The following CPNE4 variants were observed in gnomAD, a reference collection of about 807,000 sequenced individuals.
CPNE4 encodes the protein copine 4.
A neutral mutation model predicts 67.9 loss-of-function variants in CPNE4; 25 were observed. The observed-to-expected ratio is 0.37, with a 90% confidence interval of 0.27 to 0.51. The LOEUF is 0.51. Among genes scored for constraint, CPNE4 ranks in the 20% least tolerant of loss-of-function variants. The pLI is 0.93. For missense variants in CPNE4, 464 were observed against 690.8 expected (o/e 0.67, Z 3.68); for synonymous variants, 242 against 244.9 (o/e 0.99, Z 0.11).
intron 2 of CPNE4, among the ~76,000 whole-genome samples, chr3:131,810,413 C>T (rs565608701): frequency 2.8e-4 from 42 of 151,856 alleles, no homozygotes; most frequent in Non-Finnish European, 5.3e-4. Context: ...GCAAAGGATC[C>T]GAATAGACAT....
At chr3:131,817,988 C>T (rs571914559) in intron 2 of CPNE4, among the ~76,000 whole-genome samples, 23 of 152,302 alleles carry the variant, frequency 1.5e-4, no homozygotes, top group African/African-American at 5.5e-4. Flanking sequence ...AAAAAGTGCA[C>T]CTTGTGGCTT....
At chr3:131,669,238 C>G (rs953848004) in intron 7 of CPNE4, among the ~76,000 whole-genome samples, 1 of 152,104 alleles carries the variant, frequency 6.6e-6, no homozygotes, top group African/African-American at 2.4e-5. Context: ...CAGGCAAGAT[C>G]AACAGAAGAA....
intron 7 of CPNE4, among the ~76,000 whole-genome samples, chr3:131,593,307 C>A (rs981136099): frequency 5.9e-5 from 9 of 152,038 alleles, no homozygotes; most frequent in African/African-American, 2.2e-4. Flanking sequence ...AAGGTCTTTC[C>A]ATTTATTTGT....
At chr3:132,006,775 G>A (rs979022029) in intron 1 of CPNE4, among the ~76,000 whole-genome samples, 1 of 152,034 alleles carries the variant, frequency 6.6e-6, no homozygotes, top group African/African-American at 2.4e-5. Context: ...TCACAATGGG[G>A]CATGACGTGC....
At chr3:131,563,537 AT>A (rs1936898802) in intron 11 of CPNE4, among the ~76,000 whole-genome samples, 1 of 152,044 alleles carries the variant, frequency 6.6e-6, no homozygotes, top group African/African-American at 2.4e-5. Flanking sequence ...TAGAACATTG[AT>A]TTGATCTTAA....
Position 131,574,101 on chromosome 3 carries a change from G to A in CPNE4, c.927+970C>T, listed in dbSNP as rs192825288. Among the ~76,000 whole-genome samples the A allele has an allele frequency of 4.6e-5, 7 of 152,036 alleles. No individual in the cohort carries two copies. The East Asian group carries it at 1.4e-3, about 30-fold the overall frequency. ...ATATAGGTCCCGTCTACTCTCTTGG[G>A]CCCAAAGCTTGACTAAAAATTTAAA... On this transcript the variant is annotated intron_variant, in intron 10 of 15. Coordinates refer to ENST00000429747, the MANE Select transcript of CPNE4 (RefSeq NM_130808.3).
chr3:131,858,106 A>G (rs886843080), intron 2 of CPNE4, among the ~76,000 whole-genome samples: 15 of 152,240 alleles, frequency 9.9e-5, no homozygotes, highest in Admixed American at 3.3e-4. Flanking sequence ...ACACAATTAT[A>G]TCTTCAAACT....
chr3:131,643,215 C>T (rs1425901658), intron 7 of CPNE4, among the ~76,000 whole-genome samples: 1 of 152,180 alleles, frequency 6.6e-6, no homozygotes, highest in African/African-American at 2.4e-5. Flanking sequence ...GCATTTTGCC[C>T]TTGCCATAGA....
At chr3:131,615,847 G>A (rs959758576) in intron 7 of CPNE4, among the ~76,000 whole-genome samples, 1 of 150,432 alleles carries the variant, frequency 6.6e-6, no homozygotes, top group African/African-American at 2.5e-5. Flanking sequence ...TGGCGCCACT[G>A]CACTCCAGCC....
At chr3:131,848,001 G>A (rs1255630471) in intron 2 of CPNE4, among the ~76,000 whole-genome samples, 3 of 152,150 alleles carry the variant, frequency 2.0e-5, no homozygotes, top group Admixed American at 2.0e-4. Flanking sequence ...TCTTCATTCT[G>A]CAGAAGACTT....
chr3:131,838,897 T>C (rs1052192394), intron 2 of CPNE4, among the ~76,000 whole-genome samples: 1 of 151,888 alleles, frequency 6.6e-6, no homozygotes, highest in African/African-American at 2.4e-5. Flanking sequence ...ACTTAAAATA[T>C]AAAATTTCTG....
At chr3:131,953,693 C>G (rs2071849384) in intron 1 of CPNE4, among the ~76,000 whole-genome samples, 1 of 152,004 alleles carries the variant, frequency 6.6e-6, no homozygotes, top group Admixed American at 6.6e-5. Context: ...TACGTGGGGA[C>G]TGAAAAGTTT....
At chr3:131,767,114 G>A (rs1185013328) in intron 2 of CPNE4, among the ~76,000 whole-genome samples, 4 of 152,184 alleles carry the variant, frequency 2.6e-5, no homozygotes, top group Middle Eastern at 3.4e-3. Flanking sequence ...AAATCTAAAC[G>A]TAGGCATTAA....
At chr3:131,811,533 TCTA>T (rs2084526638) in intron 2 of CPNE4, among the ~76,000 whole-genome samples, 1 of 152,142 alleles carries the variant, frequency 6.6e-6, no homozygotes, top group Non-Finnish European at 1.5e-5. Flanking sequence ...AACTGAAGCC[TCTA>T]CTATGTATTC....
rs1435149096 is a variant in CPNE4 at position 131,534,813 on chromosome 3, T to C, written c.*382A>G. 2 of 157,912 alleles carry C rather than the reference T, an allele frequency of 1.3e-5. No individual in the cohort carries two copies. The highest frequency in any genetic ancestry group is 2.8e-5 in the Non-Finnish European group (2 of 71,782). The allele number at this position is 157,912 out of a possible 1,614,324, so 9.8% of individuals were successfully genotyped here. A position where few individuals can be genotyped will look rare whatever the true frequency, so the allele number is the denominator to read the frequency against. On this transcript the variant is annotated 3_prime_UTR_variant, in exon 16 of 16. Transcript: ENST00000429747. ...ATCCTATAGCAGATAAAACCAAGTA[T>C]ATTTCGTCTATCAACATTCAGTAAA...
At chr3:131,685,795 C>CA (rs1401189868) in intron 6 of CPNE4, 80 bp downstream of exon 6, 12 of 923,554 alleles carry the variant, frequency 1.3e-5, no homozygotes, top group Non-Finnish European at 2.0e-5. Context: ...CACACACACA[C>CA]ACAAAAAGGA....
intron 7 of CPNE4, among the ~76,000 whole-genome samples, chr3:131,666,659 G>C (rs4854774): frequency 0.33 from 50,160 of 151,948 alleles, 8,655 homozygotes; most frequent in African/African-American, 0.4. Flanking sequence ...TCCATAAATT[G>C]TTAATAATAC....
chr3:131,620,183 A>G (rs1940387173), intron 7 of CPNE4, among the ~76,000 whole-genome samples: 1 of 152,202 alleles, frequency 6.6e-6, no homozygotes, highest in Admixed American at 6.5e-5. Context: ...TCATAGGTAA[A>G]AAGAAATGTA....
At chr3:131,863,730 T>C (rs1015546006) in intron 2 of CPNE4, among the ~76,000 whole-genome samples, 3 of 152,210 alleles carry the variant, frequency 2.0e-5, no homozygotes, top group Admixed American at 2.0e-4. Flanking sequence ...TTTGTCAATT[T>C]TGGCTTTTGT....
Sources: gnomAD v4.1 joint callset for allele counts (sites outside exome capture counted in the v4.1 genomes callset) on GRCh38, gnomAD v4.1.1 for gene constraint, MANE v1.5 for transcripts, NCBI Gene and HGNC (gene_info 2026-07-23, HGNC 2026-07-21) for gene names.